Variants in EPC1 observed in about 807,000 individuals in gnomAD.
The protein encoded by EPC1 is enhancer of polycomb homolog 1.
Under a neutral mutation model 98.4 loss-of-function variants are expected in EPC1, and 12 were observed. That is an observed-to-expected ratio of 0.12 (90% CI 0.08 to 0.20). The LOEUF is 0.20. EPC1 is among the 10% of genes least tolerant of loss of function. The pLI is 1.00. For synonymous variants in EPC1, 357 were observed against 363.9 expected, an observed-to-expected ratio of 0.98 and a Z score of 0.21; for missense variants, 729 against 990.5, an observed-to-expected ratio of 0.74 and a Z score of 3.54.
Position 32,293,602 on chromosome 10 carries a change from C to T in EPC1, c.449G>A (p.Ser150Asn), listed in dbSNP as rs1302534211. The T allele has an allele frequency of 6.2e-7, 1 of 1,613,314 alleles. No individual in the cohort carries two copies. The highest frequency in any genetic ancestry group is 1.3e-5 in the African/African-American group (1 of 75,046). ...EEMIDRLEKG[S>N]GQQPVSLQEA... ...CAAATGAAGTTGTACCTGCTGACCACTGCCTTTTTCTAGGCGGTCAATCAT... is the reference window on the plus strand; with the variant it reads ...CAAATGAAGTTGTACCTGCTGACCATTGCCTTTTTCTAGGCGGTCAATCAT... Residue 150 changes from serine (S) to asparagine (N), a missense_variant, in exon 3 of 14, where the codon AGT becomes AAT. Ser to Asn is a conservative substitution (Grantham distance 46). Transcript: ENST00000319778.
chr10:32,271,524 C>T (rs773144123), intron 13 of EPC1, 30 bp downstream of exon 13: 1 of 1,598,420 alleles, frequency 6.3e-7, no homozygotes, highest in Non-Finnish European at 8.5e-7. Flanking sequence ...TCTCTTATTC[C>T]AGGTATGTTA....
chr10:32,297,365 TCCG>T lies in EPC1; in HGVS notation c.314-3631_314-3629del, dbSNP rs1400217763. ...GCTGTGATCTTAGCTCACTGCAACC[TCCG>T]CCTCTCGGGTTCAAGCGATATTCCT... On this transcript the variant is annotated intron_variant, in intron 2 of 13. Transcript: ENST00000319778. 2.7e-5 allele frequency among the ~76,000 whole-genome samples: 4 copies of T among 149,300 alleles called. No homozygotes were observed. In the East Asian group the frequency reaches 8.1e-4, roughly 30 times the overall value.
chr10:32,373,486 G>T (rs917066773), intron 1 of EPC1, among the ~76,000 whole-genome samples: 2 of 152,184 alleles, frequency 1.3e-5, no homozygotes, highest in African/African-American at 4.8e-5. Context: ...ATATTCAGCA[G>T]ATGTTCACCC....
upstream of EPC1, among the ~76,000 whole-genome samples, chr10:32,348,590 T>G (rs1839006510): frequency 6.6e-6 from 1 of 152,200 alleles, no homozygotes; most frequent in South Asian, 2.1e-4. Flanking sequence ...AAATTATACT[T>G]AAACTCCGAT....
chr10:32,345,615 G>C (rs948907130), intron 1 of EPC1: 3 of 985,284 alleles, frequency 3.0e-6, no homozygotes, highest in Non-Finnish European at 3.6e-6. Flanking sequence ...AAGTTATACT[G>C]TCAAGGATCT....
chr10:32,301,046 C>G (rs12262130), intron 2 of EPC1, among the ~76,000 whole-genome samples: 146 of 107,070 alleles, frequency 1.4e-3, no homozygotes, highest in Middle Eastern at 9.3e-3. Context: ...TTATATCTAT[C>G]TATCTATCTA....
At chr10:32,354,509 G>A (rs983027382) in intron 1 of EPC1, among the ~76,000 whole-genome samples, 4 of 151,998 alleles carry the variant, frequency 2.6e-5, no homozygotes, top group Admixed American at 2.0e-4. Context: ...GAGAATTGTA[G>A]TTGCAGCAGT....
At chr10:32,375,619 T>C (rs1051777604) in intron 1 of EPC1, among the ~76,000 whole-genome samples, 1 of 152,078 alleles carries the variant, frequency 6.6e-6, no homozygotes, top group African/African-American at 2.4e-5. Flanking sequence ...TTCTGCAACC[T>C]GTTTTTTGGT....
intron 9 of EPC1, 157 bp downstream of exon 9, chr10:32,286,537 G>A: frequency 2.4e-6 from 2 of 850,516 alleles, no homozygotes; most frequent in South Asian, 2.0e-5. Context: ...TAAGAACCAG[G>A]CAGCACAGCA....
chr10:32,358,355 G>T (rs1252871396), intron 1 of EPC1, among the ~76,000 whole-genome samples: 1 of 152,070 alleles, frequency 6.6e-6, no homozygotes, highest in African/African-American at 2.4e-5. Context: ...AATAAAAAGT[G>T]GGTTTAGGAT....
At chr10:32,273,948 G>A (rs1434781889) in intron 10 of EPC1, 2 of 151,818 alleles carry the variant, frequency 1.3e-5, no homozygotes, top group African/African-American at 2.4e-5. Context: ...CAATAAGAAC[G>A]GAGTTGTTTA....
At chr10:32,372,280 G>C (rs1488720027) in intron 1 of EPC1, among the ~76,000 whole-genome samples, 1 of 152,272 alleles carries the variant, frequency 6.6e-6, no homozygotes, top group East Asian at 1.9e-4. Flanking sequence ...GCACACCAAA[G>C]TTTGCAATCC....
At chr10:32,314,941 C>A (rs929827339) in intron 1 of EPC1, among the ~76,000 whole-genome samples, 1 of 152,188 alleles carries the variant, frequency 6.6e-6, no homozygotes, top group Admixed American at 6.5e-5. Flanking sequence ...CTTTTCTCTA[C>A]TTCTCCTAGG....
chr10:32,294,197 T>C (rs933577374), intron 2 of EPC1, among the ~76,000 whole-genome samples: 6 of 152,202 alleles, frequency 3.9e-5, no homozygotes, highest in African/African-American at 4.8e-5. Flanking sequence ...TACCAAAAGC[T>C]AAGGGAGTGG....
intron 6 of EPC1, among the ~76,000 whole-genome samples, chr10:32,290,225 T>TG (rs1592553941): frequency 2.0e-5 from 3 of 152,104 alleles, no homozygotes; most frequent in African/African-American, 4.8e-5. Context: ...CTCACGCCTA[T>TG]AATCCCAGCA....
In EPC1 at chr10:32,284,904, T is replaced by C; in HGVS notation, c.1538A>G (p.Asp513Gly). 6.2e-7 allele frequency: 1 copy of C among 1,614,152 alleles called. No homozygotes were observed. The highest frequency in any genetic ancestry group is 8.5e-7 in the Non-Finnish European group (1 of 1,180,014). The change falls in exon 10 of 14, where the codon GAC becomes GGC. Residue 513 changes from aspartate (D) to glycine (G), a missense_variant. Asp to Gly is a moderately conservative substitution (Grantham distance 94). This residue lies in a region of EPC1 where 390 missense variants were observed against 438.6 expected (regional missense o/e 0.89). Transcript: ENST00000319778. ...TNTSDKSFSK[D>G]LSQILVNIKS... Reference sequence around the variant, plus strand: ...GATATTGACTAGTATCTGACTGAGGTCTTTAGAGAAAGATTTGTCCGAGGT... The same window carrying C: ...GATATTGACTAGTATCTGACTGAGGCCTTTAGAGAAAGATTTGTCCGAGGT...
intron 1 of EPC1, among the ~76,000 whole-genome samples, chr10:32,328,118 C>G (rs1461761990): frequency 6.6e-6 from 1 of 152,100 alleles, no homozygotes; most frequent in Admixed American, 6.5e-5. Context: ...CCACCAAAGG[C>G]TTTGAGCAAC....
At chr10:32,326,302 G>A (rs1837273878) in intron 1 of EPC1, among the ~76,000 whole-genome samples, 1 of 152,124 alleles carries the variant, frequency 6.6e-6, no homozygotes, top group Admixed American at 6.5e-5. Context: ...AAGTCAAAGT[G>A]ACCTATATGA....
intron 13 of EPC1, among the ~76,000 whole-genome samples, chr10:32,271,201 G>A (rs991251627): frequency 1.3e-5 from 2 of 151,976 alleles, no homozygotes; most frequent in Admixed American, 6.6e-5. Flanking sequence ...ATGTTGGATC[G>A]GCTGTTCTCG....
Sources: gnomAD v4.1 joint callset for allele counts (sites outside exome capture counted in the v4.1 genomes callset) on GRCh38, gnomAD v4.1.1 for gene constraint, gnomAD v4.1.1 regional missense constraint, MANE v1.5 for transcripts, NCBI Gene and HGNC (gene_info 2026-07-23, HGNC 2026-07-21) for gene names.